The following DOP1A variants were observed in gnomAD, a reference collection of about 807,000 sequenced individuals.
DOP1A encodes DOP1 leucine zipper like protein A.
Under a neutral mutation model 267.6 loss-of-function variants are expected in DOP1A, and 90 were observed. The ratio of observed to expected loss-of-function variants is 0.34; its 90% CI spans 0.28 to 0.40. The LOEUF (loss-of-function observed/expected upper bound fraction) is 0.40. Among genes scored for constraint, DOP1A ranks in the 10% least tolerant of loss-of-function variants. DOP1A has a pLI of 1.00. For missense variants in DOP1A, 2,437 were observed against 2,900.4 expected, an observed-to-expected ratio of 0.84 and a Z score of 3.67; for synonymous variants, 932 against 999.1, an observed-to-expected ratio of 0.93 and a Z score of 1.27.
intron 1 of DOP1A, among the ~76,000 whole-genome samples, chr6:83,076,609 A>T (rs556343745): frequency 1.3e-3 from 203 of 150,618 alleles, no homozygotes; most frequent in Non-Finnish European, 2.6e-3. Context: ...GGCTACTATT[A>T]AAAAAAAAAT....
intron 1 of DOP1A, among the ~76,000 whole-genome samples, chr6:83,092,253 T>TTAAG (rs57569665): frequency 6.6e-6 from 1 of 152,020 alleles, no homozygotes; most frequent in East Asian, 1.9e-4. Context: ...TTACCAGTCT[T>TTAAG]TATTATGTTT....
At chr6:83,096,192 A>G (rs1011776504) in intron 1 of DOP1A, among the ~76,000 whole-genome samples, 3 of 151,406 alleles carry the variant, frequency 2.0e-5, no homozygotes, top group Non-Finnish European at 2.9e-5. Flanking sequence ...GACTCAAGCT[A>G]TCCTCTCACT....
At chr6:83,166,878 G>A (rs1389045694) in intron 38 of DOP1A, 3 of 991,808 alleles carry the variant, frequency 3.0e-6, no homozygotes, top group South Asian at 4.6e-5. Context: ...ATGACAGATT[G>A]TAATTCTGCT....
intron 3 of DOP1A, 96 bp from the exon 4 acceptor site, chr6:83,100,608 TA>T (rs2128134753): frequency 1.1e-6 from 1 of 873,164 alleles, no homozygotes; most frequent in African/African-American, 1.7e-5. Flanking sequence ...CACAAAGACC[TA>T]CAATGATCAT....
chr6:83,069,419 A>G, intron 1 of DOP1A, among the ~76,000 whole-genome samples: 1 of 152,156 alleles, frequency 6.6e-6, no homozygotes. Flanking sequence ...AGCATTCCCA[A>G]ATTTACCTGA....
intron 38 of DOP1A, chr6:83,167,190 T>C: frequency 1.1e-6 from 1 of 889,828 alleles, no homozygotes; most frequent in Non-Finnish European, 1.3e-6. Context: ...GGAACCTTTG[T>C]ATATCCTGCC....
chr6:83,149,456 G>A (rs1781193472), intron 27 of DOP1A, among the ~76,000 whole-genome samples: 1 of 152,144 alleles, frequency 6.6e-6, no homozygotes, highest in Non-Finnish European at 1.5e-5. Context: ...AAACAGGAAG[G>A]GGAAGGGTAT....
At chr6:83,110,757 A>G (rs1211782227) in intron 6 of DOP1A, among the ~76,000 whole-genome samples, 3 of 152,226 alleles carry the variant, frequency 2.0e-5, no homozygotes, top group African/African-American at 7.2e-5. Flanking sequence ...AAAACCCTCA[A>G]GGATCATTTT....
At chr6:83,123,069 T>A (rs1353287356) in intron 12 of DOP1A, 87 bp downstream of exon 12, 10 of 1,379,790 alleles carry the variant, frequency 7.2e-6, no homozygotes, top group Non-Finnish European at 9.8e-6. Context: ...TAATGAATGT[T>A]CTTTTATACA....
intron 1 of DOP1A, among the ~76,000 whole-genome samples, chr6:83,070,469 G>A (rs1433035811): frequency 6.6e-6 from 1 of 151,984 alleles, no homozygotes; most frequent in East Asian, 1.9e-4. Flanking sequence ...ATATACTGAT[G>A]TACATTCATT....
In DOP1A at chr6:83,152,076, T is replaced by TA. The variant is rs774275412; in HGVS notation, c.6049+49_6049+50insA. On this transcript the variant is annotated intron_variant, in intron 29 of 38. Transcript: ENST00000349129. ...TTATTATCTGTAAGCAGGCATATAT[T>TA]TACTAAGAAATCATTTTGCCTAGCA... 3 of 1,601,496 alleles carry TA rather than the reference T, an allele frequency of 1.9e-6. No individual in the cohort carries two copies. In the South Asian group the frequency reaches 3.3e-5, roughly 18 times the overall value.
chr6:83,086,836 C>G (rs1334187712), intron 1 of DOP1A, among the ~76,000 whole-genome samples: 4 of 152,038 alleles, frequency 2.6e-5, no homozygotes, highest in South Asian at 4.2e-4. Flanking sequence ...TCAGGTTTTG[C>G]TATGAGAGAA....
chr6:83,098,673 A>G (rs981419994), intron 3 of DOP1A, among the ~76,000 whole-genome samples: 2 of 152,144 alleles, frequency 1.3e-5, no homozygotes, highest in African/African-American at 4.8e-5. Context: ...GGGACGTAGA[A>G]CTTTCATGCC....
chr6:83,141,738 T>A (rs1779683094), intron 23 of DOP1A, among the ~76,000 whole-genome samples, 183 bp from the exon 24 acceptor site: 1 of 152,196 alleles, frequency 6.6e-6, no homozygotes, highest in Admixed American at 6.6e-5. Flanking sequence ...ATAGGATTTG[T>A]TTTTCTTTTA....
At position 83,130,461 on chromosome 6, in the gene DOP1A, T is replaced by A. The variant is rs1777841144; in HGVS notation, c.2616+64T>A. 3.9e-6 allele frequency: 6 copies of A among 1,531,050 alleles called. No individual in the cohort carries two copies. In the South Asian group the frequency reaches 5.2e-5, roughly 13 times the overall value. The allele number at this position is 1,531,050 out of a possible 1,614,324, so 94.8% of individuals were successfully genotyped here. On this transcript the variant is annotated intron_variant, in intron 17 of 38. Transcript: ENST00000349129. The stretch of plus-strand genomic sequence containing the variant: ...CAGCCATGTATGATACTTGACCTAG[T>A]TTGCTTTAAGAATTATTTTTTAAAT...
At chr6:83,118,287 C>G (rs1583000637) in intron 7 of DOP1A, among the ~76,000 whole-genome samples, 1 of 151,730 alleles carries the variant, frequency 6.6e-6, no homozygotes. Context: ...CTCCTTTAAT[C>G]ATTTTTTTAA....
chr6:83,095,628 A>C (rs537901200), intron 1 of DOP1A, among the ~76,000 whole-genome samples: 23 of 152,316 alleles, frequency 1.5e-4, no homozygotes, highest in Non-Finnish European at 3.1e-4. Flanking sequence ...CTATTACCCT[A>C]GATTACGTAT....
At chr6:83,133,799 G>T (rs914738071) in intron 18 of DOP1A, among the ~76,000 whole-genome samples, 1 of 151,904 alleles carries the variant, frequency 6.6e-6, no homozygotes, top group African/African-American at 2.4e-5. Context: ...AATATATAGT[G>T]CAATGAAATC....
chr6:83,162,225 T>C (rs533550251), intron 37 of DOP1A, among the ~76,000 whole-genome samples: 17 of 146,920 alleles, frequency 1.2e-4, no homozygotes, highest in African/African-American at 3.9e-4. Context: ...TTATACTGTT[T>C]GAATTTTTCC....
Sources: gnomAD v4.1 joint callset for allele counts (sites outside exome capture counted in the v4.1 genomes callset) on GRCh38, gnomAD v4.1.1 for gene constraint, MANE v1.5 for transcripts, NCBI Gene and HGNC (gene_info 2026-07-23, HGNC 2026-07-21) for gene names.